ABCA12: variants seen among roughly 807,000 people sequenced by gnomAD.
The protein encoded by ABCA12 is ATP binding cassette subfamily A member 12.
Under a neutral mutation model 293.5 loss-of-function variants are expected in ABCA12, and 156 were observed. That is an observed-to-expected ratio of 0.53 (90% CI 0.47 to 0.61). The LOEUF (loss-of-function observed/expected upper bound fraction) is 0.61. ABCA12 is among the 20% of genes least tolerant of loss of function. ABCA12 has a pLI of 0.00. For synonymous variants in ABCA12, 1,063 were observed against 1,108.0 expected (o/e 0.96, Z 0.81); for missense variants, 2,797 against 3,090.2 (o/e 0.91, Z 2.25).
chr2:214,950,344 A>ATG (rs1274162575), intron 45 of ABCA12, among the ~76,000 whole-genome samples: 1 of 148,304 alleles, frequency 6.7e-6, no homozygotes, highest in African/African-American at 2.5e-5. Context: ...ATATGTGTAT[A>ATG]TGTGTGTGTA....
At chr2:215,134,595 C>CTATA (rs1211141803) in intron 1 of ABCA12, among the ~76,000 whole-genome samples, 2 of 81,502 alleles carry the variant, frequency 2.5e-5, no homozygotes, top group African/African-American at 2.0e-4. Context: ...CTCTCTCTCT[C>CTATA]TCTCTATATA....
At chr2:215,063,348 A>G (rs532528179) in intron 3 of ABCA12, among the ~76,000 whole-genome samples, 22 of 152,136 alleles carry the variant, frequency 1.4e-4, no homozygotes, top group Non-Finnish European at 3.1e-4. Flanking sequence ...ATACTCAAAA[A>G]ATATCTCTAA....
rs930577297 is a variant in ABCA12, at chr2:215,028,872, C to T, written c.1062-1934G>A. 1.8e-4 allele frequency among the ~76,000 whole-genome samples: 27 copies of T among 152,204 alleles called. No individual in the cohort carries two copies. The East Asian group carries it at 5.2e-3, about 29-fold the overall frequency. ...ATAACCAATATACTCACAGCACTTG[C>T]TCAAAAAACCCTGAGCAGGTATTTT... On this transcript the variant is annotated intron_variant, in intron 9 of 52. Transcript: ENST00000272895.
Position 215,040,620 on chromosome 2 carries a change from C to A in ABCA12, c.873-3555G>T, listed in dbSNP as rs533944102. ...GGTCAGGAGTTCAAGACCAGCCTGGCCAACATGGTGAAACCCCGTCTCTAC... is the reference window on the plus strand; with the variant it reads ...GGTCAGGAGTTCAAGACCAGCCTGGACAACATGGTGAAACCCCGTCTCTAC... On this transcript the variant is annotated intron_variant, in intron 7 of 52. Transcript: ENST00000272895. Among the ~76,000 whole-genome samples, 237 of 152,148 alleles carry A rather than the reference C, an allele frequency of 1.6e-3. 1 individual carries two copies. The highest frequency in any genetic ancestry group is 2.6e-3 in the Non-Finnish European group (177 of 68,000).
At chr2:215,103,129 C>A (rs1702390736) in intron 2 of ABCA12, among the ~76,000 whole-genome samples, 1 of 152,076 alleles carries the variant, frequency 6.6e-6, no homozygotes, top group Non-Finnish European at 1.5e-5. Context: ...ATACTTATTG[C>A]TCTCTTATAG....
intron 5 of ABCA12, among the ~76,000 whole-genome samples, chr2:215,051,125 A>G (rs1248375030): frequency 1.3e-5 from 2 of 152,186 alleles, no homozygotes; most frequent in African/African-American, 2.4e-5. Flanking sequence ...ATCTGATCCA[A>G]TGCAAGACTG....
intron 3 of ABCA12, among the ~76,000 whole-genome samples, chr2:215,060,536 G>A (rs1446941987): frequency 6.6e-6 from 1 of 151,962 alleles, no homozygotes; most frequent in Non-Finnish European, 1.5e-5. Context: ...TAACAAAAAT[G>A]TAATACTAAA....
chr2:215,022,266 T>G (rs1700646947), intron 11 of ABCA12: 1 of 152,192 alleles, frequency 6.6e-6, no homozygotes, highest in African/African-American at 2.4e-5. Context: ...TTCCATATAG[T>G]ATAGTCTTGG....
In ABCA12 at chr2:214,991,004, A is replaced by G. The variant is rs1395109186; in HGVS notation, c.3322T>C (p.Cys1108Arg). 2.5e-6 allele frequency: 4 copies of G among 1,613,882 alleles called. No homozygotes were observed. Among genetic ancestry groups the G allele is most frequent in the Non-Finnish European group, 3.4e-6 (4 of 1,179,978 alleles). The change falls in exon 24 of 53, where the codon TGC (cysteine) becomes CGC (arginine). Residue 1108 changes from cysteine to arginine, a missense_variant. Cys to Arg is a radical substitution (Grantham distance 180). Transcript: ENST00000272895. ...EYMKMMGVNS[C>R]SHFFAWLIES... Reference sequence around the variant, plus strand: ...ATAAGCCAGGCAAAGAAATGGCTGCAGGAGTTCACACCCATCATCTTCATG... The same window carrying G: ...ATAAGCCAGGCAAAGAAATGGCTGCGGGAGTTCACACCCATCATCTTCATG...
intron 9 of ABCA12, among the ~76,000 whole-genome samples, chr2:215,027,978 ATGTGCG>A (rs1258390227): frequency 6.6e-6 from 1 of 152,182 alleles, no homozygotes; most frequent in East Asian, 1.9e-4. Context: ...GTGAATGAGT[ATGTGCG>A]TATTATGTGT....
chr2:215,125,963 T>C (rs1322782745), intron 1 of ABCA12, among the ~76,000 whole-genome samples: 1 of 152,182 alleles, frequency 6.6e-6, no homozygotes, highest in Non-Finnish European at 1.5e-5. Context: ...CATTAAGGTA[T>C]GTCCCTTGTA....
intron 2 of ABCA12, among the ~76,000 whole-genome samples, chr2:215,094,217 A>T (rs557185130): frequency 6.6e-6 from 1 of 152,306 alleles, no homozygotes; most frequent in South Asian, 2.1e-4. Context: ...GTCCTCCTTT[A>T]TTAATGCCTC....
chr2:214,996,799 A>C (rs969635896), intron 23 of ABCA12, among the ~76,000 whole-genome samples: 1 of 152,228 alleles, frequency 6.6e-6, no homozygotes, highest in African/African-American at 2.4e-5. Context: ...CAATTGTCTA[A>C]AAGCATTGGC....
In ABCA12 at chr2:215,015,584, A is replaced by C; in HGVS notation, c.1862T>G (p.Phe621Cys). 1 of 1,614,078 alleles carries C rather than the reference A, an allele frequency of 6.2e-7. No individual in the cohort carries two copies. The highest frequency in any genetic ancestry group is 8.5e-7 in the Non-Finnish European group (1 of 1,179,922). ...TPKLEDAMKE[F>C]CNLSLSERSR... Reference sequence around the variant, plus strand: ...TCTCTCTGAAAGAGACAGGTTGCAGAATTCTTTCATTGCATCTTCTAGTTT... The same window carrying C: ...TCTCTCTGAAAGAGACAGGTTGCAGCATTCTTTCATTGCATCTTCTAGTTT... The change falls in exon 15 of 53, where the codon TTC becomes TGC. Residue 621 changes from phenylalanine to cysteine, a missense_variant. Transcript: ENST00000272895.
At chr2:215,111,752 T>C in intron 1 of ABCA12, 62 bp from the exon 2 acceptor site, 1 of 1,226,412 alleles carries the variant, frequency 8.2e-7, no homozygotes, top group Non-Finnish European at 1.2e-6. Context: ...TTTTAAAACC[T>C]GACTACAAAA....
intron 9 of ABCA12, among the ~76,000 whole-genome samples, chr2:215,028,545 T>G (rs1212090146): frequency 6.6e-6 from 1 of 152,240 alleles, no homozygotes; most frequent in Non-Finnish European, 1.5e-5. Flanking sequence ...AGCTTCATTA[T>G]TTATCAAAGC....
intron 2 of ABCA12, among the ~76,000 whole-genome samples, chr2:215,081,627 A>G (rs78325102): frequency 1.3e-5 from 2 of 152,178 alleles, no homozygotes; most frequent in African/African-American, 4.8e-5. Context: ...TGCTCCTTGG[A>G]TTACTTTTAA....
chr2:214,946,753 C>A (rs1176249215), intron 48 of ABCA12, among the ~76,000 whole-genome samples: 1 of 152,062 alleles, frequency 6.6e-6, no homozygotes, highest in Non-Finnish European at 1.5e-5. Flanking sequence ...AAATAACCAT[C>A]CTTTGACAAA....
At chr2:214,937,029 A>C (rs1439685836) in intron 51 of ABCA12, among the ~76,000 whole-genome samples, 1 of 152,196 alleles carries the variant, frequency 6.6e-6, no homozygotes, top group Non-Finnish European at 1.5e-5. Flanking sequence ...GTTCATACTA[A>C]GTATGCTTTG....
Sources: allele counts gnomAD v4.1 joint callset (sites outside exome capture counted in the v4.1 genomes callset), GRCh38; gene constraint gnomAD v4.1.1; transcripts MANE v1.5; gene names NCBI Gene and HGNC (gene_info 2026-07-23, HGNC 2026-07-21).